B4GALT5: variants seen among roughly 807,000 people sequenced by gnomAD.
B4GALT5 encodes the protein beta-1,4-galactosyltransferase 5.
B4GALT5 carries 11 observed loss-of-function variants against 45.0 expected under a neutral mutation model. The observed-to-expected ratio is 0.24, with a 90% CI of 0.15 to 0.40. The LOEUF (loss-of-function observed/expected upper bound fraction) is 0.40. Among genes scored for constraint, B4GALT5 ranks in the 10% least tolerant of loss-of-function variants. The pLI is 1.00. For missense variants in B4GALT5, 337 were observed against 500.2 expected (o/e 0.67, Z 3.11); for synonymous variants, 185 against 182.9 (o/e 1.01, Z -0.09).
At chr20:49,673,805 C>A (rs555990718) in intron 1 of B4GALT5, among the ~76,000 whole-genome samples, 1 of 152,038 alleles carries the variant, frequency 6.6e-6, no homozygotes, top group Non-Finnish European at 1.5e-5. Flanking sequence ...AACAATTTAA[C>A]GTGGCTCAGT....
At chr20:49,707,441 T>C (rs1251649068) in intron 1 of B4GALT5, among the ~76,000 whole-genome samples, 1 of 151,882 alleles carries the variant, frequency 6.6e-6, no homozygotes, top group Non-Finnish European at 1.5e-5. Context: ...TATTTCCCCA[T>C]ATGTATTTCA....
Position 49,636,272 on chromosome 20 carries a change from C to A in B4GALT5, c.*40G>T. ...AAAAAAAATCTCATCGGACTGCTTTCTTGGTGGCGGTGGGTAAAGCAAACG... is the reference window on the plus strand; with the variant it reads ...AAAAAAAATCTCATCGGACTGCTTTATTGGTGGCGGTGGGTAAAGCAAACG... On this transcript the variant is annotated 3_prime_UTR_variant, in exon 9 of 9. Coordinates refer to ENST00000371711, the MANE Select transcript of B4GALT5 (RefSeq NM_004776.4). 1 of 1,609,372 alleles carries A rather than the reference C, an allele frequency of 6.2e-7. No homozygotes were observed. The highest frequency in any genetic ancestry group is 8.5e-7 in the Non-Finnish European group (1 of 1,177,326).
intron 5 of B4GALT5, among the ~76,000 whole-genome samples, chr20:49,641,399 TCTAA>T (rs1199750364): frequency 2.6e-5 from 4 of 152,200 alleles, no homozygotes; most frequent in Non-Finnish European, 2.9e-5. Flanking sequence ...ATTTTTAAGA[TCTAA>T]CTAAGACAAC....
intron 1 of B4GALT5, among the ~76,000 whole-genome samples, chr20:49,670,855 A>G (rs1337945233): frequency 2.6e-5 from 4 of 152,116 alleles, no homozygotes; most frequent in African/African-American, 7.2e-5. Context: ...AAATGTTCAT[A>G]CTCTAACCCA....
At chr20:49,682,758 T>G (rs548185504) in intron 1 of B4GALT5, among the ~76,000 whole-genome samples, 98 of 112,666 alleles carry the variant, frequency 8.7e-4, no homozygotes, top group African/African-American at 2.7e-3. Flanking sequence ...TTGTTAAATG[T>G]AGTTAAGAGT....
At chr20:49,700,735 G>A (rs1187510107) in intron 1 of B4GALT5, among the ~76,000 whole-genome samples, 1 of 152,164 alleles carries the variant, frequency 6.6e-6, no homozygotes, top group African/African-American at 2.4e-5. Flanking sequence ...GGGTATGCTG[G>A]ACAAAGGAAT....
intron 1 of B4GALT5, among the ~76,000 whole-genome samples, chr20:49,667,508 C>T (rs1297180382): frequency 6.6e-6 from 1 of 151,958 alleles, no homozygotes; most frequent in Non-Finnish European, 1.5e-5. Context: ...CCGCCTTGGC[C>T]TCCCAAAGTG....
chr20:49,654,344 G>A (rs566680640), intron 2 of B4GALT5, among the ~76,000 whole-genome samples: 12 of 152,232 alleles, frequency 7.9e-5, no homozygotes, highest in Middle Eastern at 3.4e-3. Context: ...ATGTGTGTGC[G>A]GATTGTGCAA....
chr20:49,686,728 C>A (rs1393663146), intron 1 of B4GALT5, among the ~76,000 whole-genome samples: 3 of 59,468 alleles, frequency 5.0e-5, no homozygotes, highest in Non-Finnish European at 5.8e-5. Flanking sequence ...TGTCTCTGCC[C>A]AAAAAAAAAA....
In B4GALT5 at chr20:49,637,398, G is replaced by A; in HGVS notation, c.962C>T (p.Thr321Ile). 2 of 1,614,072 alleles carry A rather than the reference G, an allele frequency of 1.2e-6. No individual in the cohort carries two copies. Among genetic ancestry groups the A allele is most frequent in the Non-Finnish European group, 1.7e-6 (2 of 1,180,010 alleles). The change falls in exon 8 of 9, where the codon ACA becomes ATA. Residue 321 changes from threonine to isoleucine, a missense_variant. Around this residue, in one of 2 missense-constraint regions of B4GALT5, gnomAD observed 163 missense variants for 292.8 expected, o/e 0.56. Transcript: ENST00000371711. ...ATGAGGAATGGACTTGTACTTTCCT[G>A]TGTCACCCTCTGGCCGGCTCACAGA... ...GYSVSRPEGD[T>I]GKYKSIPHHH... is the part of the protein sequence containing the mutation.
intron 1 of B4GALT5, among the ~76,000 whole-genome samples, chr20:49,704,105 T>G (rs1014209605): frequency 1.3e-5 from 2 of 152,166 alleles, no homozygotes; most frequent in African/African-American, 2.4e-5. Flanking sequence ...ACCAGCCAAG[T>G]CTACCAATCA....
chr20:49,680,092 C>A (rs1449860174), intron 1 of B4GALT5, among the ~76,000 whole-genome samples: 2 of 152,188 alleles, frequency 1.3e-5, no homozygotes, highest in African/African-American at 4.8e-5. Context: ...ACAAGCTTAT[C>A]CTTTGATTAA....
chr20:49,657,292 CAGCCCAAA>C (rs1197170856), intron 1 of B4GALT5, among the ~76,000 whole-genome samples: 1 of 152,190 alleles, frequency 6.6e-6, no homozygotes, highest in Non-Finnish European at 1.5e-5. Flanking sequence ...CCACCCATCC[CAGCCCAAA>C]AGTCCAAAGC....
chr20:49,643,497 A>G, intron 4 of B4GALT5, 29 bp downstream of exon 4: 3 of 1,612,228 alleles, frequency 1.9e-6, no homozygotes. Flanking sequence ...TGGGCTTCTC[A>G]GCATTTTGGC....
chr20:49,637,033 T>TCACCTCAGGGA (rs2085556968), intron 8 of B4GALT5, among the ~76,000 whole-genome samples: 1 of 152,046 alleles, frequency 6.6e-6, no homozygotes, highest in Non-Finnish European at 1.5e-5. Flanking sequence ...CACTGCTCTG[T>TCACCTCAGGGA]CACCTCAGGG....
intron 1 of B4GALT5, among the ~76,000 whole-genome samples, chr20:49,692,892 A>C (rs1382363707): frequency 6.6e-6 from 1 of 152,232 alleles, no homozygotes; most frequent in Admixed American, 6.5e-5. Context: ...GTGCCGCATA[A>C]TGACGTTTCA....
intron 1 of B4GALT5, among the ~76,000 whole-genome samples, chr20:49,712,551 C>T (rs757628840): frequency 6.6e-6 from 1 of 152,118 alleles, no homozygotes; most frequent in Non-Finnish European, 1.5e-5. Context: ...CCCATTACAT[C>T]TTTCCTCCAT....
At chr20:49,644,442 G>C (rs1009327569) in intron 3 of B4GALT5, among the ~76,000 whole-genome samples, 1 of 152,256 alleles carries the variant, frequency 6.6e-6, no homozygotes, top group East Asian at 1.9e-4. Context: ...AGTCATGTCA[G>C]GTTTGCTCCT....
intron 1 of B4GALT5, among the ~76,000 whole-genome samples, chr20:49,701,313 A>G (rs974348709): frequency 1.3e-5 from 2 of 152,206 alleles, no homozygotes; most frequent in Non-Finnish European, 2.9e-5. Context: ...ACATTTAGAT[A>G]AATACATTTG....
Sources: gnomAD v4.1 joint callset for allele counts (sites outside exome capture counted in the v4.1 genomes callset) on GRCh38, gnomAD v4.1.1 for gene constraint, gnomAD v4.1.1 regional missense constraint, MANE v1.5 for transcripts, NCBI Gene and HGNC (gene_info 2026-07-23, HGNC 2026-07-21) for gene names.